Variants in FRMPD1 observed in about 807,000 individuals in gnomAD.
The protein encoded by FRMPD1 is FERM and PDZ domain-containing protein 1.
FRMPD1 carries 76 observed loss-of-function variants against 117.8 expected under a neutral mutation model. The ratio of observed to expected loss-of-function variants is 0.65; its 90% CI spans 0.54 to 0.78. The LOEUF (loss-of-function observed/expected upper bound fraction) is 0.78. Among genes scored for constraint, FRMPD1 ranks in the 30% least tolerant of loss-of-function variants. FRMPD1 has a pLI of 0.00. For synonymous variants in FRMPD1, 783 were observed against 770.4 expected (o/e 1.02, Z -0.27); for missense variants, 1,786 against 1,964.5 (o/e 0.91, Z 1.72).
At chr9:37,717,002 T>A (rs1823148301) in intron 5 of FRMPD1, among the ~76,000 whole-genome samples, 1 of 152,152 alleles carries the variant, frequency 6.6e-6, no homozygotes, top group South Asian at 2.1e-4. Context: ...AGTTACTTAG[T>A]TAGAAATCAG....
chr9:37,708,627 A>G, intron 4 of FRMPD1, 126 bp downstream of exon 4: 2 of 609,534 alleles, frequency 3.3e-6, no homozygotes, highest in South Asian at 4.1e-5. Flanking sequence ...AGCAGCAAAA[A>G]CAGCCTCGTT....
intron 7 of FRMPD1, among the ~76,000 whole-genome samples, chr9:37,728,418 CGAAG>C (rs1389763614): frequency 1.3e-4 from 20 of 151,980 alleles, no homozygotes; most frequent in Admixed American, 1.3e-3. Context: ...GACTGAAACT[CGAAG>C]GAAGAGAAAG....
At chr9:37,715,252 G>A (rs879373484) in intron 5 of FRMPD1, among the ~76,000 whole-genome samples, 3 of 152,078 alleles carry the variant, frequency 2.0e-5, no homozygotes, top group East Asian at 3.9e-4. Flanking sequence ...GAAATGCTAC[G>A]AGGAAGATAC....
intron 14 of FRMPD1, among the ~76,000 whole-genome samples, chr9:37,739,063 A>G (rs1824263038): frequency 6.6e-6 from 1 of 152,144 alleles, no homozygotes; most frequent in East Asian, 1.9e-4. Flanking sequence ...CAGCTAGACT[A>G]CAGAGGAGAC....
chr9:37,732,545 G>A (rs1823936363), intron 10 of FRMPD1, 105 bp downstream of exon 10: 2 of 1,115,260 alleles, frequency 1.8e-6, no homozygotes, highest in South Asian at 3.3e-5. Context: ...CTACCCATCT[G>A]TCTGTTGTCT....
chr9:37,730,858 A>C (rs1366557536), intron 8 of FRMPD1, 126 bp from the exon 9 acceptor site: 4 of 914,632 alleles, frequency 4.4e-6, no homozygotes, highest in Non-Finnish European at 6.8e-6. Flanking sequence ...CTGTCTTGGG[A>C]AGCACTAGAA....
intron 7 of FRMPD1, among the ~76,000 whole-genome samples, chr9:37,726,744 A>G (rs1309052630): frequency 6.6e-6 from 1 of 152,134 alleles, no homozygotes; most frequent in Non-Finnish European, 1.5e-5. Context: ...ACCCAGGGTT[A>G]TACTCTTAGG....
At chr9:37,613,720 C>T in the FRMPD1 span, among the ~76,000 whole-genome samples, 1 of 152,186 alleles carries the variant, frequency 6.6e-6, no homozygotes, top group East Asian at 1.9e-4. Context: ...TCTCTTGGCT[C>T]CTATGTACCT....
chr9:37,727,037 CA>C (rs1823647091), intron 7 of FRMPD1, among the ~76,000 whole-genome samples: 2 of 152,184 alleles, frequency 1.3e-5, no homozygotes, highest in Admixed American at 6.5e-5. Context: ...ACAACACCAA[CA>C]AAGATCCAGA....
chr9:37,605,675 G>A, the FRMPD1 span, among the ~76,000 whole-genome samples: 3 of 148,494 alleles, frequency 2.0e-5, no homozygotes, highest in Admixed American at 6.8e-5. Context: ...TTGTCATTCT[G>A]GTAGAATTTT....
chr9:37,649,011 G>C (rs1025894387), upstream of FRMPD1, among the ~76,000 whole-genome samples: 3 of 152,130 alleles, frequency 2.0e-5, no homozygotes, highest in Non-Finnish European at 4.4e-5. Context: ...ACCAGAATGA[G>C]AATCTGAGGA....
At position 37,745,690 on chromosome 9, in the gene FRMPD1, G is replaced by A; in HGVS notation, c.3658G>A (p.Ala1220Thr). The A allele has an allele frequency of 6.2e-7, 1 of 1,614,066 alleles. No homozygotes were observed. Among genetic ancestry groups the A allele is most frequent in the Non-Finnish European group, 8.5e-7 (1 of 1,179,964 alleles). Residue 1220 changes from alanine (A) to threonine (T), a missense_variant, in exon 16 of 16, where the codon GCC becomes ACC. Transcript: ENST00000377765. ...FFLGKQTVSP[A>T]VPPEGIKAEA... ...TCTTGGGAAGCAGACAGTTTCACCAGCCGTCCCTCCAGAGGGGATCAAGGC... is the reference window on the plus strand; with the variant it reads ...TCTTGGGAAGCAGACAGTTTCACCAACCGTCCCTCCAGAGGGGATCAAGGC...
In FRMPD1 at chr9:37,737,249, G is replaced by T; in HGVS notation, c.1549+6G>T. The T allele has an allele frequency of 6.2e-7, 1 of 1,613,980 alleles. No homozygotes were observed. Among genetic ancestry groups the T allele is most frequent in the Non-Finnish European group, 8.5e-7 (1 of 1,179,928 alleles). On this transcript the variant is annotated splice_donor_region_variant and intron_variant, in intron 14 of 15. Coordinates refer to ENST00000377765, the MANE Select transcript of FRMPD1 (RefSeq NM_014907.3). ...CCGGGTATCTGCAGAAGAAGGTGAG[G>T]CACTGAGTCTTGCCCCAATAAGGAC...
At chr9:37,632,040 C>A in the FRMPD1 span, among the ~76,000 whole-genome samples, 1 of 152,122 alleles carries the variant, frequency 6.6e-6, no homozygotes, top group East Asian at 1.9e-4. Context: ...GCTGGTCCTG[C>A]CAGTATCTAA....
Position 37,746,017 on chromosome 9 carries a change from A to T in FRMPD1, c.3985A>T (p.Ile1329Leu). Residue 1329 changes from isoleucine to leucine, a missense_variant, in exon 16 of 16, where the codon ATA (isoleucine) becomes TTA (leucine). Coordinates refer to ENST00000377765, the MANE Select transcript of FRMPD1 (RefSeq NM_014907.3). ...AGMNEMVAPR[I>L]GMDQCSCQFS... ...CATGAATGAGATGGTGGCTCCCAGGATAGGGATGGACCAGTGCAGCTGTCA... is the reference window on the plus strand; with the variant it reads ...CATGAATGAGATGGTGGCTCCCAGGTTAGGGATGGACCAGTGCAGCTGTCA... 6.2e-7 allele frequency: 1 copy of T among 1,614,226 alleles called. No homozygotes were observed. The highest frequency in any genetic ancestry group is 8.5e-7 in the Non-Finnish European group (1 of 1,180,040).
intron 1 of FRMPD1, among the ~76,000 whole-genome samples, chr9:37,685,665 A>T (rs1056468199): frequency 3.3e-5 from 5 of 150,720 alleles, no homozygotes; most frequent in Non-Finnish European, 5.9e-5. Context: ...AAAAAAAAAA[A>T]TTTGCCTTCC....
At chr9:37,623,142 G>T in the FRMPD1 span, among the ~76,000 whole-genome samples, 1 of 152,226 alleles carries the variant, frequency 6.6e-6, no homozygotes, top group Non-Finnish European at 1.5e-5. Context: ...TAGACACTGT[G>T]TTAGGTGCTG....
chr9:37,667,719 C>T (rs1487244277), intron 1 of FRMPD1, among the ~76,000 whole-genome samples: 1 of 151,498 alleles, frequency 6.6e-6, no homozygotes, highest in Non-Finnish European at 1.5e-5. Flanking sequence ...TACCCCTGTG[C>T]TTATTTCTTT....
the FRMPD1 span, among the ~76,000 whole-genome samples, chr9:37,613,709 T>A: frequency 3.3e-5 from 5 of 152,366 alleles, no homozygotes; most frequent in African/African-American, 1.2e-4. Flanking sequence ...CCTTTTCTTC[T>A]TCTCTTGGCT....
Sources: allele counts gnomAD v4.1 joint callset (sites outside exome capture counted in the v4.1 genomes callset), GRCh38; gene constraint gnomAD v4.1.1; transcripts MANE v1.5; gene names NCBI Gene and HGNC (gene_info 2026-07-23, HGNC 2026-07-21).